NRXN3: variants seen among roughly 807,000 people sequenced by gnomAD.
NRXN3 encodes the protein neurexin 3.
A neutral mutation model predicts 137.6 loss-of-function variants in NRXN3; 32 were observed. That is an observed-to-expected ratio of 0.23 (90% CI 0.18 to 0.31). NRXN3 has a LOEUF of 0.31. NRXN3 is among the 10% of genes least tolerant of loss of function. The pLI, the probability that NRXN3 is intolerant of heterozygous loss-of-function variation, is 1.00. For synonymous variants in NRXN3, 798 were observed against 784.5 expected (o/e 1.02, Z -0.29); for missense variants, 1,574 against 2,062.5 (o/e 0.76, Z 4.59).
chr14:79,356,318 C>T (rs931960118), intron 15 of NRXN3, among the ~76,000 whole-genome samples: 19 of 152,044 alleles, frequency 1.2e-4, no homozygotes, highest in African/African-American at 4.6e-4. Context: ...GGCATAGCTC[C>T]TCATTATGGG....
intron 4 of NRXN3, among the ~76,000 whole-genome samples, chr14:78,587,644 C>G (rs369590487): frequency 6.6e-6 from 1 of 152,146 alleles, no homozygotes; most frequent in African/African-American, 2.4e-5. Context: ...TCTACACATT[C>G]GCAACTATTT....
At chr14:79,767,422 TC>T (rs1325406992) in intron 19 of NRXN3, among the ~76,000 whole-genome samples, 1 of 152,236 alleles carries the variant, frequency 6.6e-6, no homozygotes, top group African/African-American at 2.4e-5. Context: ...TTCCCTGAGT[TC>T]CCTGACCATG....
intron 16 of NRXN3, among the ~76,000 whole-genome samples, chr14:79,597,956 T>A (rs2153830561): frequency 6.6e-6 from 1 of 152,322 alleles, no homozygotes; most frequent in Non-Finnish European, 1.5e-5. Context: ...GGGTTAAGCA[T>A]TCCAAGATGC....
intron 10 of NRXN3, among the ~76,000 whole-genome samples, chr14:78,826,823 A>G (rs777008553): frequency 6.6e-6 from 1 of 152,168 alleles, no homozygotes; most frequent in Non-Finnish European, 1.5e-5. Flanking sequence ...GGCTAAAGAT[A>G]AATTTGGTAT....
rs191395704 is a variant in NRXN3 at position 79,698,744 on chromosome 14, G to A, written c.4014+807G>A. 1.6e-4 allele frequency among the ~76,000 whole-genome samples: 24 copies of A among 151,954 alleles called. No homozygotes were observed. In the South Asian group the frequency reaches 3.9e-3, roughly 25 times the overall value. ...CATGAGACATTCCAATTGCTGCTGC[G>A]ACAACAATTACTTACCCCTATCCTA... is the stretch of plus-strand genomic sequence containing the variant. On this transcript the variant is annotated intron_variant, in intron 19 of 20. Transcript: ENST00000335750.
At chr14:78,325,550 C>T (rs760449378) in intron 4 of NRXN3, among the ~76,000 whole-genome samples, 7 of 152,056 alleles carry the variant, frequency 4.6e-5, no homozygotes, top group East Asian at 3.8e-4. Flanking sequence ...CTATTATTAT[C>T]GTTATTTTTA....
intron 4 of NRXN3, among the ~76,000 whole-genome samples, chr14:78,446,958 C>T (rs375802870): frequency 2.6e-5 from 4 of 152,194 alleles, no homozygotes; most frequent in African/African-American, 4.8e-5. Context: ...GAGCTTTACT[C>T]GCCATTTAAA....
At chr14:79,284,303 G>A (rs1357716678) in intron 15 of NRXN3, among the ~76,000 whole-genome samples, 7 of 136,732 alleles carry the variant, frequency 5.1e-5, no homozygotes, top group Non-Finnish European at 1.1e-4. Flanking sequence ...TTTGAGACCT[G>A]CCTGGCCAAC....
chr14:78,327,058 G>A (rs1231492390), intron 4 of NRXN3, among the ~76,000 whole-genome samples: 1 of 152,100 alleles, frequency 6.6e-6, no homozygotes, highest in Admixed American at 6.6e-5. Flanking sequence ...AGAATACTTG[G>A]CACATGATCC....
chr14:79,614,447 T>C (rs949687953), intron 16 of NRXN3, among the ~76,000 whole-genome samples: 7 of 152,200 alleles, frequency 4.6e-5, no homozygotes, highest in Admixed American at 6.5e-5. Context: ...GACTGGATTG[T>C]CTTCTACCCA....
At chr14:79,823,868 A>T in intron 20 of NRXN3, 1 of 446,162 alleles carries the variant, frequency 2.2e-6, no homozygotes, top group Non-Finnish European at 4.6e-6. Flanking sequence ...AGCTTAACAC[A>T]TTAGTTCCAT....
At chr14:78,751,429 T>TC (rs2152952783) in intron 8 of NRXN3, among the ~76,000 whole-genome samples, 1 of 102,622 alleles carries the variant, frequency 9.7e-6, no homozygotes, top group East Asian at 3.5e-4. Flanking sequence ...CTGCTAATTC[T>TC]TTTTTTTCTC....
At chr14:79,200,255 G>A (rs1399319433) in intron 15 of NRXN3, among the ~76,000 whole-genome samples, 4 of 152,204 alleles carry the variant, frequency 2.6e-5, no homozygotes, top group African/African-American at 9.6e-5. Context: ...CTAAGCTAAA[G>A]TTGTGGATTT....
chr14:79,615,020 C>T (rs1271835146), intron 16 of NRXN3, among the ~76,000 whole-genome samples: 1 of 152,186 alleles, frequency 6.6e-6, no homozygotes, highest in African/African-American at 2.4e-5. Flanking sequence ...CCCACAGTGC[C>T]TCACTCCATT....
intron 15 of NRXN3, among the ~76,000 whole-genome samples, chr14:79,342,324 A>G (rs1167445485): frequency 6.6e-6 from 1 of 152,240 alleles, no homozygotes; most frequent in African/African-American, 2.4e-5. Context: ...ACAACCAGCA[A>G]CACAGGGTTG....
intron 3 of NRXN3, among the ~76,000 whole-genome samples, chr14:78,288,102 C>G (rs1596837582): frequency 6.6e-6 from 1 of 152,182 alleles, no homozygotes; most frequent in African/African-American, 2.4e-5. Context: ...GCCTCAGCCT[C>G]CTGAGTAGCT....
intron 19 of NRXN3, among the ~76,000 whole-genome samples, chr14:79,743,382 T>C (rs1197946693): frequency 2.0e-5 from 3 of 152,114 alleles, no homozygotes; most frequent in Admixed American, 6.6e-5. Context: ...GTCTAAAATT[T>C]CACTGACAAC....
intron 16 of NRXN3, among the ~76,000 whole-genome samples, chr14:79,474,588 G>T (rs1056355224): frequency 6.6e-6 from 1 of 152,104 alleles, no homozygotes; most frequent in African/African-American, 2.4e-5. Context: ...AATAGGATAA[G>T]TGACCCTATA....
chr14:79,509,495 A>G (rs2096911338), intron 16 of NRXN3, among the ~76,000 whole-genome samples: 5 of 151,728 alleles, frequency 3.3e-5, no homozygotes, highest in Admixed American at 3.3e-4. Context: ...CAGCCTGGCC[A>G]ATAGAGGAAG....
Sources: allele counts gnomAD v4.1 joint callset (sites outside exome capture counted in the v4.1 genomes callset), GRCh38; gene constraint gnomAD v4.1.1; transcripts MANE v1.5; gene names NCBI Gene and HGNC (gene_info 2026-07-23, HGNC 2026-07-21).